Variants in AGPS observed in about 807,000 individuals in gnomAD.
AGPS encodes the protein alkyldihydroxyacetonephosphate synthase, peroxisomal.
In AGPS, 26 loss-of-function variants were observed where a neutral mutation model predicts 90.7. The observed-to-expected ratio is 0.29, with a 90% CI of 0.21 to 0.40. The LOEUF is 0.40. Ranked by LOEUF, AGPS falls within the 10% of genes least tolerant of loss-of-function variation. The pLI, the probability that AGPS is intolerant of heterozygous loss-of-function variation, is 1.00. For synonymous variants in AGPS, 294 were observed against 285.3 expected, an observed-to-expected ratio of 1.03 and a Z score of -0.31; for missense variants, 540 against 816.1, an observed-to-expected ratio of 0.66 and a Z score of 4.12.
intron 2 of AGPS, among the ~76,000 whole-genome samples, chr2:177,431,713 T>C (rs1686249496): frequency 1.3e-5 from 2 of 152,192 alleles, no homozygotes; most frequent in Admixed American, 6.5e-5. Context: ...AAGAAAAATA[T>C]GGCTCTATTG....
At chr2:177,431,372 G>T (rs969126706) in intron 2 of AGPS, among the ~76,000 whole-genome samples, 1 of 152,120 alleles carries the variant, frequency 6.6e-6, no homozygotes. Flanking sequence ...ACTGATGAGG[G>T]TCTGTGTTCG....
chr2:177,481,403 T>C (rs192020458), intron 10 of AGPS, among the ~76,000 whole-genome samples: 24 of 152,060 alleles, frequency 1.6e-4, no homozygotes, highest in Admixed American at 1.3e-4. Flanking sequence ...TTTTTGTTTT[T>C]TAATTTGTGT....
In AGPS at chr2:177,489,327, G is replaced by A. The variant is rs556234667; in HGVS notation, c.1234-3821G>A. Among the ~76,000 whole-genome samples, 214 of 152,044 alleles carry A rather than the reference G, an allele frequency of 1.4e-3. 1 individual carries two copies. The highest frequency in any genetic ancestry group is 5.0e-3 in the African/African-American group (209 of 41,460). ...TCTCGATCTCCTGACCTCGTGATCC[G>A]CCTGCCTCGGCCTCCCAAAGTGCTG... is the stretch of plus-strand genomic sequence containing the variant. On this transcript the variant is annotated intron_variant, in intron 11 of 19. Coordinates refer to ENST00000264167, the MANE Select transcript of AGPS (RefSeq NM_003659.4).
At chr2:177,446,363 G>C (rs943989516) in intron 8 of AGPS, among the ~76,000 whole-genome samples, 1 of 151,896 alleles carries the variant, frequency 6.6e-6, no homozygotes, top group African/African-American at 2.4e-5. Flanking sequence ...CGTGGTCTCG[G>C]ATCTCCTGAC....
intron 9 of AGPS, 83 bp from the exon 10 acceptor site, chr2:177,468,333 C>T: frequency 1.3e-6 from 1 of 769,230 alleles, no homozygotes; most frequent in Non-Finnish European, 2.2e-6. Flanking sequence ...GTAGGTTTTA[C>T]ATAAATATAT....
At chr2:177,419,643 T>C (rs1351077874) in intron 1 of AGPS, among the ~76,000 whole-genome samples, 4 of 151,900 alleles carry the variant, frequency 2.6e-5, no homozygotes, top group Non-Finnish European at 5.9e-5. Flanking sequence ...AATATTGGTA[T>C]TTTGGAAATT....
rs925070068 is a variant in AGPS, at chr2:177,543,646, A to G, written c.*5451A>G. 6.6e-6 allele frequency: 1 copy of G among 152,246 alleles called. No homozygotes were observed. The highest frequency in any genetic ancestry group is 1.5e-5 in the Non-Finnish European group (1 of 68,044). The allele number at this position is 152,246 out of a possible 1,614,324, so 9.4% of individuals were successfully genotyped here. ...GAAAATTCCTGAGAGATTCCAGCAT[A>G]GCTTTGTCAATTCCGACTGAGCCAT... On this transcript the variant is annotated 3_prime_UTR_variant, in exon 20 of 20. Transcript: ENST00000264167.
At chr2:177,393,259 T>C in intron 1 of AGPS, 3 of 985,230 alleles carry the variant, frequency 3.0e-6, no homozygotes, top group Non-Finnish European at 3.6e-6. Context: ...TGGATTTTGG[T>C]CACTATGTGA....
chr2:177,499,601 T>A lies in AGPS; in HGVS notation c.1363-17T>A, dbSNP rs780000133. 6.8e-5 allele frequency: 38 copies of A among 557,202 alleles called. No individual in the cohort carries two copies. Among genetic ancestry groups the A allele is most frequent in the South Asian group, 1.4e-4 (4 of 29,614 alleles). 34.5% of individuals were successfully genotyped at this position (557,202 alleles called of 1,614,324 possible). A position where few individuals can be genotyped will look rare whatever the true frequency, so the allele number is the denominator to read the frequency against. Reference sequence around the variant, plus strand: ...GATAAGACTTATCTGTAATAATAAATTTTTTTTTTTTTGTAGTTTAAAGGA... The same window carrying A: ...GATAAGACTTATCTGTAATAATAAAATTTTTTTTTTTTGTAGTTTAAAGGA... On this transcript the variant is annotated splice_polypyrimidine_tract_variant and intron_variant, in intron 13 of 19. Coordinates refer to ENST00000264167, the MANE Select transcript of AGPS (RefSeq NM_003659.4).
chr2:177,426,137 T>C (rs1466525037), intron 2 of AGPS, among the ~76,000 whole-genome samples: 1 of 152,214 alleles, frequency 6.6e-6, no homozygotes, highest in East Asian at 1.9e-4. Flanking sequence ...CATAGGTGTT[T>C]TATTCTCTTT....
At chr2:177,464,872 A>T (rs1687402040) in intron 9 of AGPS, among the ~76,000 whole-genome samples, 1 of 152,264 alleles carries the variant, frequency 6.6e-6, no homozygotes, top group Non-Finnish European at 1.5e-5. Context: ...GGATCTTCAC[A>T]AAAGAAAGTA....
intron 11 of AGPS, among the ~76,000 whole-genome samples, chr2:177,492,614 A>G (rs1688298254): frequency 6.6e-6 from 1 of 152,180 alleles, no homozygotes; most frequent in South Asian, 2.1e-4. Context: ...TGTTTGGAAT[A>G]TGATAAAGCT....
chr2:177,418,519 A>G (rs1159545580), intron 1 of AGPS, among the ~76,000 whole-genome samples: 2 of 152,046 alleles, frequency 1.3e-5, no homozygotes, highest in African/African-American at 4.8e-5. Flanking sequence ...GTGTAATACC[A>G]AATTACTATT....
chr2:177,536,507 C>T (rs978719366), intron 19 of AGPS, among the ~76,000 whole-genome samples: 1 of 151,826 alleles, frequency 6.6e-6, no homozygotes, highest in Non-Finnish European at 1.5e-5. Context: ...GTTGAAGAGA[C>T]CTTATAAAGT....
At chr2:177,487,396 TGATG>T (rs1470513798) in intron 11 of AGPS, among the ~76,000 whole-genome samples, 2 of 152,172 alleles carry the variant, frequency 1.3e-5, no homozygotes, top group African/African-American at 4.8e-5. Flanking sequence ...CACTACCTTT[TGATG>T]GAGGGTAATT....
intron 10 of AGPS, among the ~76,000 whole-genome samples, chr2:177,470,528 AC>A (rs1344333875): frequency 2.0e-5 from 3 of 151,832 alleles, no homozygotes; most frequent in Non-Finnish European, 4.4e-5. Flanking sequence ...ACATGTTGAA[AC>A]CCCATCTCTA....
chr2:177,447,013 C>T (rs1248440385), intron 8 of AGPS, among the ~76,000 whole-genome samples: 1 of 152,124 alleles, frequency 6.6e-6, no homozygotes, highest in Non-Finnish European at 1.5e-5. Context: ...TCAACTTCCT[C>T]AAACATAATC....
At chr2:177,431,732 C>A (rs1469545901) in intron 2 of AGPS, among the ~76,000 whole-genome samples, 6 of 152,070 alleles carry the variant, frequency 3.9e-5, no homozygotes. Context: ...TGTGCCTGAC[C>A]CCGCAGGCAG....
intron 1 of AGPS, among the ~76,000 whole-genome samples, chr2:177,414,432 C>T (rs1685726237): frequency 6.6e-6 from 1 of 152,070 alleles, no homozygotes. Flanking sequence ...TTATTTTGAA[C>T]TTCAAGGCTC....
Sources: allele counts gnomAD v4.1 joint callset (sites outside exome capture counted in the v4.1 genomes callset), GRCh38; gene constraint gnomAD v4.1.1; transcripts MANE v1.5; gene names NCBI Gene and HGNC (gene_info 2026-07-23, HGNC 2026-07-21).